Variants in TTC28 observed in about 807,000 individuals in gnomAD.
The protein encoded by TTC28 is tetratricopeptide repeat domain 28.
In TTC28, 61 loss-of-function variants were observed where a neutral mutation model predicts 198.0. The ratio of observed to expected loss-of-function variants is 0.31; its 90% CI spans 0.25 to 0.38. TTC28 has a LOEUF of 0.38. TTC28 is among the 10% of genes least tolerant of loss of function. TTC28 has a pLI of 1.00. For missense variants in TTC28, 2,678 were observed against 3,164.0 expected (o/e 0.85, Z 3.69); for synonymous variants, 1,171 against 1,297.8 (o/e 0.90, Z 2.10).
intron 5 of TTC28, among the ~76,000 whole-genome samples, chr22:28,258,632 C>G (rs1212578829): frequency 6.6e-6 from 1 of 151,920 alleles, no homozygotes; most frequent in African/African-American, 2.4e-5. Context: ...ATAAACGGGA[C>G]AGCAACCCCA....
At chr22:28,568,220 G>A (rs890072450) in intron 2 of TTC28, among the ~76,000 whole-genome samples, 12 of 152,122 alleles carry the variant, frequency 7.9e-5, no homozygotes, top group Admixed American at 5.9e-4. Flanking sequence ...AAGGGGAAAA[G>A]AGTTAAATCC....
intron 2 of TTC28, among the ~76,000 whole-genome samples, chr22:28,624,787 A>G (rs1484196352): frequency 6.7e-6 from 1 of 149,520 alleles, no homozygotes; most frequent in African/African-American, 2.5e-5. Context: ...ACATCATGAG[A>G]AAAAAAAAGG....
chr22:28,366,354 T>A (rs2046245614), intron 2 of TTC28, among the ~76,000 whole-genome samples: 1 of 152,168 alleles, frequency 6.6e-6, no homozygotes, highest in African/African-American at 2.4e-5. Context: ...TTTCCTCTTC[T>A]CTCAATCACC....
At chr22:28,030,834 T>C (rs1488805237) in intron 12 of TTC28, among the ~76,000 whole-genome samples, 1 of 152,250 alleles carries the variant, frequency 6.6e-6, no homozygotes, top group African/African-American at 2.4e-5. Context: ...TGTTGGGTAC[T>C]GTCCTAGGCA....
chr22:28,565,677 G>T (rs1436447125), intron 2 of TTC28, among the ~76,000 whole-genome samples: 1 of 152,132 alleles, frequency 6.6e-6, no homozygotes, highest in African/African-American at 2.4e-5. Context: ...ATTAAAGATG[G>T]AAAAAATTAG....
At chr22:28,118,652 G>C (rs941850838) in intron 6 of TTC28, among the ~76,000 whole-genome samples, 1 of 152,066 alleles carries the variant, frequency 6.6e-6, no homozygotes, top group African/African-American at 2.4e-5. Context: ...TCCTATCCAG[G>C]TTTGTGTAAG....
chr22:28,454,899 T>C (rs2047835632), intron 2 of TTC28, among the ~76,000 whole-genome samples: 1 of 152,166 alleles, frequency 6.6e-6, no homozygotes, highest in Non-Finnish European at 1.5e-5. Context: ...AAAACATACA[T>C]ATGCTAATTT....
At chr22:28,193,352 T>C (rs567211359) in intron 5 of TTC28, among the ~76,000 whole-genome samples, 14 of 152,248 alleles carry the variant, frequency 9.2e-5, no homozygotes, top group East Asian at 1.9e-4. Context: ...GTAAAGACCA[T>C]TGATGCTAGG....
At chr22:28,335,975 T>C (rs1383270496) in intron 2 of TTC28, among the ~76,000 whole-genome samples, 3 of 152,204 alleles carry the variant, frequency 2.0e-5, no homozygotes, top group Admixed American at 6.5e-5. Context: ...GGCTGTGGGT[T>C]TGTCATAGAT....
intron 8 of TTC28, among the ~76,000 whole-genome samples, chr22:28,101,782 TAAAAAAAAAA>T (rs11459818): frequency 3.8e-5 from 2 of 53,128 alleles, no homozygotes; most frequent in African/African-American, 9.7e-5. Flanking sequence ...CCATCTCTGT[TAAAAAAAAAA>T]AAAAAAAAAA....
chr22:28,182,117 T>C (rs756341184), intron 5 of TTC28, among the ~76,000 whole-genome samples: 3 of 152,214 alleles, frequency 2.0e-5, no homozygotes, highest in Non-Finnish European at 4.4e-5. Context: ...ATTTATTTCC[T>C]ACTCTCAGTC....
intron 11 of TTC28, among the ~76,000 whole-genome samples, chr22:28,095,270 C>T (rs1185750249): frequency 6.6e-6 from 1 of 151,690 alleles, no homozygotes; most frequent in Non-Finnish European, 1.5e-5. Flanking sequence ...GAACATGGAA[C>T]TAAAGGGAAA....
At chr22:28,670,304 C>T (rs1333167308) in intron 1 of TTC28, among the ~76,000 whole-genome samples, 2 of 152,102 alleles carry the variant, frequency 1.3e-5, no homozygotes, top group Non-Finnish European at 2.9e-5. Flanking sequence ...AGAATAGTCT[C>T]ATCACCCCAT....
chr22:28,347,347 C>G (rs1455358132), intron 2 of TTC28, among the ~76,000 whole-genome samples: 1 of 151,946 alleles, frequency 6.6e-6, no homozygotes, highest in Non-Finnish European at 1.5e-5. Context: ...ACATATGCTC[C>G]TTCAGTTACT....
chr22:28,470,998 T>C (rs1314812932), intron 2 of TTC28, among the ~76,000 whole-genome samples: 1 of 152,204 alleles, frequency 6.6e-6, no homozygotes. Context: ...AAACCTATCT[T>C]AGACGCTCAG....
At chr22:28,086,117 T>C (rs112849214) in intron 12 of TTC28, among the ~76,000 whole-genome samples, 165 of 152,054 alleles carry the variant, frequency 1.1e-3, no homozygotes, top group African/African-American at 3.8e-3. Flanking sequence ...GACAGAAAGT[T>C]AACAAGGATA....
chr22:28,312,023 C>G (rs1304677426), intron 2 of TTC28, among the ~76,000 whole-genome samples: 3 of 125,726 alleles, frequency 2.4e-5, no homozygotes. Context: ...ATCTACCAAG[C>G]AAATAGAAAG....
chr22:28,330,655 T>A (rs774325563), intron 2 of TTC28, among the ~76,000 whole-genome samples: 11 of 152,294 alleles, frequency 7.2e-5, no homozygotes, highest in Middle Eastern at 3.4e-3. Flanking sequence ...ATGAAAGGGA[T>A]CTTTGGCATC....
chr22:28,027,247 G>C (rs1938872692), intron 13 of TTC28, among the ~76,000 whole-genome samples: 1 of 152,216 alleles, frequency 6.6e-6, no homozygotes, highest in Non-Finnish European at 1.5e-5. Flanking sequence ...TAGGGCTGCT[G>C]CTCTGCCCTC....
Sources: allele counts gnomAD v4.1 joint callset (sites outside exome capture counted in the v4.1 genomes callset), GRCh38; gene constraint gnomAD v4.1.1; transcripts MANE v1.5; gene names NCBI Gene and HGNC (gene_info 2026-07-23, HGNC 2026-07-21).